LAPTM4B: variants seen among roughly 807,000 people sequenced by gnomAD.
LAPTM4B encodes the protein lysosomal protein transmembrane 4 beta.
LAPTM4B carries 26 observed loss-of-function variants against 28.5 expected under a neutral mutation model. That is an observed-to-expected ratio of 0.91 (90% CI 0.67 to 1.27). The LOEUF (loss-of-function observed/expected upper bound fraction) is 1.27. Ranked by LOEUF, LAPTM4B falls within the 50% of genes most tolerant of loss-of-function variation. The pLI is 0.00. For synonymous variants in LAPTM4B, 109 were observed against 106.4 expected (o/e 1.02, Z -0.15); for missense variants, 288 against 285.8 (o/e 1.01, Z -0.06).
chr8:97,777,494 GGTTT>G (rs747450116), intron 1 of LAPTM4B, among the ~76,000 whole-genome samples: 2 of 151,898 alleles, frequency 1.3e-5, no homozygotes, highest in South Asian at 2.1e-4. Flanking sequence ...GTGTGTGTGT[GGTTT>G]GTTTATTGGG....
At chr8:97,806,073 T>C (rs1410948451) in intron 2 of LAPTM4B, among the ~76,000 whole-genome samples, 50 of 152,184 alleles carry the variant, frequency 3.3e-4, no homozygotes, top group Non-Finnish European at 5.9e-5. Flanking sequence ...TTATTTCTCA[T>C]TGGCTTCGGA....
chr8:97,827,274 C>G (rs565318823), intron 6 of LAPTM4B, among the ~76,000 whole-genome samples: 5 of 152,334 alleles, frequency 3.3e-5, no homozygotes, highest in Middle Eastern at 6.8e-3. Context: ...TCCTTTCTAA[C>G]TGTGGGTCTT....
chr8:97,784,471 G>A (rs1816371924), intron 1 of LAPTM4B, among the ~76,000 whole-genome samples: 1 of 152,086 alleles, frequency 6.6e-6, no homozygotes, highest in Non-Finnish European at 1.5e-5. Context: ...ACGGAGTCTC[G>A]CTCTGTCACC....
intron 2 of LAPTM4B, among the ~76,000 whole-genome samples, chr8:97,809,780 A>C (rs16896248): frequency 0.45 from 68,661 of 152,002 alleles, 15,993 homozygotes; most frequent in East Asian, 0.58. Context: ...TGAAGATTTC[A>C]TCCAGCCAGA....
intron 6 of LAPTM4B, among the ~76,000 whole-genome samples, chr8:97,839,974 A>G (rs1817321457): frequency 6.6e-6 from 1 of 152,180 alleles, no homozygotes. Flanking sequence ...CAGTCCCTGC[A>G]TCCCTCCTTT....
intron 6 of LAPTM4B, among the ~76,000 whole-genome samples, chr8:97,826,372 C>T (rs561316829): frequency 8.5e-5 from 13 of 152,284 alleles, no homozygotes; most frequent in African/African-American, 1.4e-4. Flanking sequence ...ACAGTAATCA[C>T]GTGTTCTGCT....
chr8:97,803,316 T>TC (rs1816716527), intron 1 of LAPTM4B, among the ~76,000 whole-genome samples: 1 of 151,844 alleles, frequency 6.6e-6, no homozygotes, highest in South Asian at 2.1e-4. Flanking sequence ...TCTCACTCTT[T>TC]CACCCAGGCT....
intron 1 of LAPTM4B, among the ~76,000 whole-genome samples, chr8:97,794,121 C>T (rs371267871): frequency 5.9e-5 from 9 of 151,930 alleles, no homozygotes; most frequent in African/African-American, 2.2e-4. Flanking sequence ...CTGGGATTAC[C>T]AGCACCTGCC....
Position 97,775,937 on chromosome 8 carries a change from C to CGGGCTCCAGGCGA in LAPTM4B, c.-71_-70insGCTCCAGGCGAGG. 1 of 1,451,680 alleles carries CGGGCTCCAGGCGA rather than the reference C, an allele frequency of 6.9e-7. No individual in the cohort carries two copies. The highest frequency in any genetic ancestry group is 1.4e-5 in the South Asian group (1 of 70,572). The allele number at this position is 1,451,680 out of a possible 1,614,324, so 89.9% of individuals were successfully genotyped here. A position where few individuals can be genotyped will look rare whatever the true frequency, so the allele number is the denominator to read the frequency against. On this transcript the variant is annotated 5_prime_UTR_variant, in exon 1 of 7. Transcript: ENST00000521545. Reference sequence around the variant, plus strand: ...GGCGGAGGAGCCGGCAGCAGCGGCGCGGCGGGCTCCAGGCGAGGCGGTCGA... The same window carrying CGGGCTCCAGGCGA: ...GGCGGAGGAGCCGGCAGCAGCGGCGCGGGCTCCAGGCGAGGCGGGCTCCAGGCGAGGCGGTCGA...
chr8:97,810,446 G>A lies in LAPTM4B; in HGVS notation c.212-4882G>A, dbSNP rs1816809667. Reference sequence around the variant, plus strand: ...GGTTTTGGTAGTTATGCTACAGCTAGGTAAATTGTTAATAGGGGAAGCAGG... The same window carrying A: ...GGTTTTGGTAGTTATGCTACAGCTAAGTAAATTGTTAATAGGGGAAGCAGG... On this transcript the variant is annotated intron_variant, in intron 2 of 6. Coordinates refer to ENST00000521545, the MANE Select transcript of LAPTM4B (RefSeq NM_018407.6). Among the ~76,000 whole-genome samples, 2 of 152,178 alleles carry A rather than the reference G, an allele frequency of 1.3e-5. 1 individual carries two copies. Among genetic ancestry groups the A allele is most frequent in the South Asian group, 4.1e-4 (2 of 4,820 alleles).
chr8:97,845,502 C>G (rs560422636), intron 6 of LAPTM4B, among the ~76,000 whole-genome samples: 1 of 152,274 alleles, frequency 6.6e-6, no homozygotes, highest in Non-Finnish European at 1.5e-5. Context: ...CTCCTCACCC[C>G]GTTCCAGGCC....
At position 97,835,358 on chromosome 8, in the gene LAPTM4B, A is replaced by G. The variant is rs368015861; in HGVS notation, c.603+10205A>G. Among the ~76,000 whole-genome samples the G allele has an allele frequency of 5.8e-4, 89 of 152,342 alleles. 1 individual carries two copies. The East Asian group carries it at 0.017, about 29-fold the overall frequency. On this transcript the variant is annotated intron_variant, in intron 6 of 6. Transcript: ENST00000521545. ...TGTGCTCTTTCCCAAAATTCTTCTC[A>G]GAGGGAGGATAGAGAAGAGTTGCTA...
chr8:97,812,990 A>G (rs1218370489), intron 2 of LAPTM4B, among the ~76,000 whole-genome samples: 3 of 152,242 alleles, frequency 2.0e-5, no homozygotes, highest in African/African-American at 7.2e-5. Flanking sequence ...CAAGAATACT[A>G]TAAAAAGCTC....
intron 6 of LAPTM4B, among the ~76,000 whole-genome samples, chr8:97,825,402 G>A (rs887371912): frequency 6.6e-6 from 1 of 152,162 alleles, no homozygotes. Flanking sequence ...ATGTATTACA[G>A]ATAGATAATA....
rs140699139 is a variant in LAPTM4B, at chr8:97,789,340, C to T, written c.99+13232C>T. On this transcript the variant is annotated intron_variant, in intron 1 of 6. Coordinates refer to ENST00000521545, the MANE Select transcript of LAPTM4B (RefSeq NM_018407.6). The stretch of plus-strand genomic sequence containing the variant: ...CCGCCCACCTTGGCCTCCCAAAGTG[C>T]TGGGATTACAAGTGTGAGCCACCAC... 4.3e-3 allele frequency among the ~76,000 whole-genome samples: 643 copies of T among 150,150 alleles called. 3 individuals are homozygous for T. Among genetic ancestry groups the T allele is most frequent in the African/African-American group, 0.015 (594 of 40,796 alleles).
At chr8:97,825,582 T>C (rs1817079512) in intron 6 of LAPTM4B, among the ~76,000 whole-genome samples, 1 of 152,256 alleles carries the variant, frequency 6.6e-6, no homozygotes, top group Non-Finnish European at 1.5e-5. Flanking sequence ...AAAGTTACTA[T>C]GTCTTTGTAA....
intron 1 of LAPTM4B, among the ~76,000 whole-genome samples, chr8:97,797,376 T>G (rs2513950): frequency 1 from 151,819 of 152,178 alleles, 75,738 homozygotes; most frequent in Middle Eastern, 1. Flanking sequence ...CAGGTGCTCC[T>G]CCTGCCTCAT....
chr8:97,807,947 T>C (rs926321520), intron 2 of LAPTM4B, among the ~76,000 whole-genome samples: 3 of 151,566 alleles, frequency 2.0e-5, no homozygotes, highest in African/African-American at 7.3e-5. Flanking sequence ...TTTGAGATCC[T>C]GATTAGCTGG....
chr8:97,831,170 T>G (rs1817178365), intron 6 of LAPTM4B, among the ~76,000 whole-genome samples: 1 of 152,190 alleles, frequency 6.6e-6, no homozygotes, highest in African/African-American at 2.4e-5. Context: ...TACTGAGGGC[T>G]TGGGAAACTG....
Sources: gnomAD v4.1 joint callset for allele counts (sites outside exome capture counted in the v4.1 genomes callset) on GRCh38, gnomAD v4.1.1 for gene constraint, MANE v1.5 for transcripts, NCBI Gene and HGNC (gene_info 2026-07-23, HGNC 2026-07-21) for gene names.